The following SAP18 variants were observed in gnomAD, a reference collection of about 807,000 sequenced individuals.
The protein encoded by SAP18 is Sin3A associated protein 18.
A neutral mutation model predicts 18.6 loss-of-function variants in SAP18; 4 were observed. That is an observed-to-expected ratio of 0.21 (90% CI 0.11 to 0.49). The LOEUF (loss-of-function observed/expected upper bound fraction) is 0.49. SAP18 is among the 20% of genes least tolerant of loss of function. The probability of loss-of-function intolerance (pLI) is 0.98; values close to 1 mark genes in which losing one functional copy is unlikely to be tolerated. For synonymous variants in SAP18, 112 were observed against 82.8 expected (o/e 1.35, Z -1.92); for missense variants, 170 against 226.4 (o/e 0.75, Z 1.60).
intron 2 of SAP18, among the ~76,000 whole-genome samples, chr13:21,145,392 T>TA (rs1869617022): frequency 6.6e-6 from 1 of 152,210 alleles, no homozygotes; most frequent in South Asian, 2.1e-4. Context: ...AAAACGCTTC[T>TA]AGTCCCATGT....
intron 2 of SAP18, among the ~76,000 whole-genome samples, chr13:21,144,739 T>C (rs1565986523): frequency 1.3e-5 from 2 of 152,284 alleles, no homozygotes; most frequent in East Asian, 3.9e-4. Flanking sequence ...AGCTTCTGAC[T>C]AGTGATGAAA....
intron 2 of SAP18, chr13:21,141,750 T>G (rs1869474395): frequency 6.6e-6 from 1 of 152,134 alleles, no homozygotes; most frequent in Non-Finnish European, 1.5e-5. Flanking sequence ...CACTGCAACC[T>G]CCACCTCCTG....
chr13:21,143,815 A>T (rs559728020), intron 2 of SAP18, among the ~76,000 whole-genome samples: 4 of 152,360 alleles, frequency 2.6e-5, no homozygotes, highest in Admixed American at 2.0e-4. Flanking sequence ...AGAAGGAACA[A>T]CTTTAAGTTA....
intron 2 of SAP18, among the ~76,000 whole-genome samples, chr13:21,142,016 G>T (rs1210615561): frequency 1.3e-5 from 2 of 150,838 alleles, no homozygotes; most frequent in Non-Finnish European, 3.0e-5. Flanking sequence ...GCCAGGCACG[G>T]TGGCTTATGC....
At chr13:21,144,117 T>G (rs547876553) in intron 2 of SAP18, among the ~76,000 whole-genome samples, 1 of 151,966 alleles carries the variant, frequency 6.6e-6, no homozygotes, top group Admixed American at 6.6e-5. Context: ...TGTTAAGAGA[T>G]TTATTTCTGC....
chr13:21,143,086 TTGTA>T (rs1869527629), intron 2 of SAP18, among the ~76,000 whole-genome samples: 1 of 152,214 alleles, frequency 6.6e-6, no homozygotes, highest in Non-Finnish European at 1.5e-5. Context: ...TCATATTTCA[TTGTA>T]TGTGTGCATC....
chr13:21,146,975 A>G (rs939723234), intron 3 of SAP18, 48 bp downstream of exon 3: 1 of 1,566,796 alleles, frequency 6.4e-7, no homozygotes, highest in Non-Finnish European at 8.7e-7. Context: ...TGTTTTTAGT[A>G]TGTTTTAACT....
chr13:21,141,986 G>A (rs1276634449), intron 2 of SAP18, among the ~76,000 whole-genome samples: 6 of 149,170 alleles, frequency 4.0e-5, no homozygotes, highest in East Asian at 2.2e-4. Flanking sequence ...TTTTTATTGT[G>A]ATGAAAAGAT....
chr13:21,147,663 C>G, exon 4 of SAP18: 1 of 214,342 alleles, frequency 4.7e-6, no homozygotes, highest in Non-Finnish European at 9.2e-6. Flanking sequence ...AGTGGAGGAG[C>G]GTATGGTTAA....
At chr13:21,141,240 T>G (rs758817600) in intron 2 of SAP18, 19 of 548,166 alleles carry the variant, frequency 3.5e-5, no homozygotes, top group Non-Finnish European at 5.6e-5. Flanking sequence ...GACCCAAGAT[T>G]GCTGTCACTG....
At chr13:21,148,686 T>C (rs1376578824) in exon 4 of SAP18, 1 of 150,198 alleles carries the variant, frequency 6.7e-6, no homozygotes, top group Non-Finnish European at 1.5e-5. Flanking sequence ...TCATTCAGAT[T>C]AGATAGACTG....
chr13:21,140,626 G>A (rs1265831715), exon 1 of SAP18: 2 of 1,612,488 alleles, frequency 1.2e-6, no homozygotes, highest in South Asian at 1.1e-5. Flanking sequence ...GTGGAGTCGC[G>A]CGTTACCCAG....
chr13:21,140,499 G>A (rs1329523102), upstream of SAP18: 9 of 1,533,068 alleles, frequency 5.9e-6, no homozygotes, highest in Non-Finnish European at 1.8e-6. Context: ...GCCCCGCCCA[G>A]CCCCTGGCCG....
At chr13:21,141,121 T>A in intron 2 of SAP18, 126 bp downstream of exon 2, 1 of 669,408 alleles carries the variant, frequency 1.5e-6, no homozygotes, top group Non-Finnish European at 2.6e-6. Context: ...GCCTTCGGAC[T>A]CAGCTTTCAG....
At position 21,145,759 on chromosome 13, in the gene SAP18, TC is replaced by T. The variant is rs560496168; in HGVS notation, c.240-1044del. On this transcript the variant is annotated intron_variant, in intron 2 of 3. Transcript: ENST00000621421. ...AACTTGAGCTCCTGGCCTCAGGTGA[TC>T]CACCCGCCTTGGCCTCCCAAAGTGC... 1.7e-3 allele frequency among the ~76,000 whole-genome samples: 266 copies of T among 152,320 alleles called. 1 individual carries two copies. The highest frequency in any genetic ancestry group is 2.8e-3 in the Admixed American group (43 of 15,294).
At chr13:21,141,078 C>A in intron 2 of SAP18, 83 bp downstream of exon 2, 1 of 875,202 alleles carries the variant, frequency 1.1e-6, no homozygotes, top group South Asian at 1.4e-5. Flanking sequence ...TAGAGTTATT[C>A]TCCCTGATTT....
At chr13:21,141,333 G>A (rs974733487) in intron 2 of SAP18, 1 of 329,310 alleles carries the variant, frequency 3.0e-6, no homozygotes, top group African/African-American at 2.1e-5. Context: ...CAAATAAATT[G>A]CACTAGGACA....
intron 2 of SAP18, among the ~76,000 whole-genome samples, chr13:21,145,119 T>G (rs1390473248): frequency 6.9e-6 from 1 of 144,842 alleles, no homozygotes; most frequent in East Asian, 2.0e-4. Flanking sequence ...CAGGCTGGAG[T>G]GCAGTGGCGC....
chr13:21,141,428 A>C, intron 2 of SAP18: 1 of 171,722 alleles, frequency 5.8e-6, no homozygotes, highest in Admixed American at 5.6e-5. Flanking sequence ...TTAGGTACCA[A>C]AGCACCAAAA....
Sources: gnomAD v4.1 joint callset for allele counts (sites outside exome capture counted in the v4.1 genomes callset) on GRCh38, gnomAD v4.1.1 for gene constraint, MANE v1.5 for transcripts, NCBI Gene and HGNC (gene_info 2026-07-23, HGNC 2026-07-21) for gene names.